Variants in ARHGAP4 observed in about 807,000 individuals in gnomAD.
ARHGAP4 encodes Rho GTPase activating protein 4.
Under a neutral mutation model 67.6 loss-of-function variants are expected in ARHGAP4, and 25 were observed. The observed-to-expected ratio is 0.37, with a 90% CI of 0.27 to 0.52. The LOEUF is 0.52. Ranked by LOEUF, ARHGAP4 falls within the 20% of genes least tolerant of loss-of-function variation. ARHGAP4 has a pLI of 0.92. For missense variants in ARHGAP4, 804 were observed against 854.6 expected, an observed-to-expected ratio of 0.94 and a Z score of 0.74; for synonymous variants, 448 against 373.7, an observed-to-expected ratio of 1.20 and a Z score of -2.29.
At position 153,907,611 on chromosome X, in the gene ARHGAP4, G is replaced by A; in HGVS notation, c.*118C>T. 1 of 369,870 alleles carries A rather than the reference G, an allele frequency of 2.7e-6. No individual in the cohort carries two copies. The highest frequency in any genetic ancestry group is 8.9e-5 in the South Asian group (1 of 11,204). The allele number at this position is 369,870 out of a possible 1,213,427, so 30.5% of individuals were successfully genotyped here. A position where few individuals can be genotyped will look rare whatever the true frequency, so the allele number is the denominator to read the frequency against. The stretch of plus-strand genomic sequence containing the variant: ...CGGCCCCATCCCACCTCTCTGCACA[G>A]GGTGAAGTGCAGGCACCCTGCACTT... On this transcript the variant is annotated 3_prime_UTR_variant, in exon 22 of 22. Coordinates refer to ENST00000350060, the MANE Select transcript of ARHGAP4 (RefSeq NM_001666.5).
Position 153,910,955 on chromosome X carries a change from G to C in ARHGAP4, c.1648C>G (p.Arg550Gly), listed in dbSNP as rs782681117. 1 of 973,696 alleles carries C rather than the reference G, an allele frequency of 1.0e-6. No homozygotes were observed. 80.2% of individuals were successfully genotyped at this position (973,696 alleles called of 1,213,427 possible). A position where few individuals can be genotyped will look rare whatever the true frequency, so the allele number is the denominator to read the frequency against. Reference protein sequence around the residue: ...GIFRVSGAQLRVSEIRDAFER... With the variant: ...GIFRVSGAQLGVSEIRDAFER... ...AAGGCATCACGGATCTCTGAGACCC[G>C]GAGCTGGGCACCCGATACCCGGAAG... Residue 550 changes from arginine (R) to glycine (G), a missense_variant, in exon 14 of 22, where the codon CGG becomes GGG. By Grantham distance (125) the Arg-to-Gly change is moderately radical. Around this residue, in one of 2 missense-constraint regions of ARHGAP4, gnomAD observed 404 missense variants for 505.9 expected, o/e 0.80. Transcript: ENST00000350060.
Position 153,909,733 on chromosome X carries a change from T to A in ARHGAP4, c.2414+8A>T. 2.5e-6 allele frequency: 3 copies of A among 1,182,093 alleles called. No homozygotes were observed. The highest frequency in any genetic ancestry group is 3.4e-6 in the Non-Finnish European group (3 of 880,945). On this transcript the variant is annotated splice_region_variant and intron_variant, in intron 19 of 21. Transcript: ENST00000350060. Reference sequence around the variant, plus strand: ...GAGCCCTGGGGCCTGAGGGCGCGGCTCACTCACCCGGCGGGCAGCGTGATA... The same window carrying A: ...GAGCCCTGGGGCCTGAGGGCGCGGCACACTCACCCGGCGGGCAGCGTGATA...
At chrX:153,916,020 G>A (rs2065053843) in intron 7 of ARHGAP4, among the ~76,000 whole-genome samples, 1 of 111,569 alleles carries the variant, frequency 9.0e-6, no homozygotes, top group Non-Finnish European at 1.9e-5. Context: ...GCTGAACACC[G>A]GAAATGACCC....
At chrX:153,921,856 G>A in intron 1 of ARHGAP4, 47 bp from the exon 2 acceptor site, 1 of 1,136,836 alleles carries the variant, frequency 8.8e-7, no homozygotes, top group Non-Finnish European at 1.2e-6. Flanking sequence ...GCCCTGCCTG[G>A]GTCAGCCAGG....
intron 21 of ARHGAP4, 96 bp downstream of exon 21, chrX:153,908,974 C>T (rs782796657): frequency 8.0e-5 from 75 of 940,690 alleles, no homozygotes; most frequent in Middle Eastern, 5.2e-4. Context: ...GGGAGGGCAA[C>T]GACTGGAACC....
chrX:153,914,071 C>T (rs990503258), intron 7 of ARHGAP4, 192 bp from the exon 8 acceptor site: 30 of 434,023 alleles, frequency 6.9e-5, no homozygotes, highest in South Asian at 1.0e-4. Context: ...CACAGAGGTT[C>T]GTGGCGGCAC....
Position 153,911,125 on chromosome X carries a change from T to C in ARHGAP4, c.1603+4A>G. On this transcript the variant is annotated splice_donor_region_variant and intron_variant, in intron 13 of 21. Transcript: ENST00000350060. ...GACATCGGGAGGGGCTGGGTCCTGC[T>C]TACCATTGAGGTTGATGAAGCGAAT... 1 of 1,169,958 alleles carries C rather than the reference T, an allele frequency of 8.5e-7. No homozygotes were observed. Among genetic ancestry groups the C allele is most frequent in the Non-Finnish European group, 1.1e-6 (1 of 874,038 alleles).
chrX:153,911,915 A>AT (rs782433342), intron 12 of ARHGAP4, among the ~76,000 whole-genome samples: 1,692 of 77,064 alleles, frequency 0.022, 53 homozygotes, highest in African/African-American at 0.12. Context: ...GTCTCAACAA[A>AT]TAAAAAAAAA....
intron 1 of ARHGAP4, among the ~76,000 whole-genome samples, chrX:153,925,679 A>T (rs1004781827): frequency 1.8e-5 from 2 of 112,072 alleles, no homozygotes; most frequent in African/African-American, 6.5e-5. Flanking sequence ...GGGAGGCAAA[A>T]GGTGCTGAAG....
At chrX:153,908,034 G>A in intron 21 of ARHGAP4, 72 bp from the exon 22 acceptor site, 2 of 957,252 alleles carry the variant, frequency 2.1e-6, no homozygotes. Context: ...ACCCACCTGA[G>A]TTCCTCCCAC....
At chrX:153,919,653 T>C (rs1475382737) in intron 5 of ARHGAP4, 2 of 1,164,755 alleles carry the variant, frequency 1.7e-6, no homozygotes, top group African/African-American at 3.6e-5. Flanking sequence ...GGTGCACAGC[T>C]GGAAGCGGCC....
intron 13 of ARHGAP4, 46 bp downstream of exon 13, chrX:153,911,083 T>C: frequency 8.6e-7 from 1 of 1,164,437 alleles, no homozygotes. Context: ...TGCTGGGAAC[T>C]GGGTGCTGGG....
chrX:153,920,707 G>A lies in ARHGAP4; in HGVS notation c.600C>T (p.Val200=). ...RQEEKRAGRS[V]PTTTAGATEA... is the part of the protein sequence containing the mutation. ...CAGTGGCACCAGCGGTGGTGGTGGG[G>A]ACACTCCGGCCTGCCCGCTTCTCCT... Residue 200 remains valine, a synonymous_variant, in exon 5 of 22, where the codon GTC becomes GTT. Transcript: ENST00000350060. 1.7e-6 allele frequency: 2 copies of A among 1,211,708 alleles called. No individual in the cohort carries two copies. Among genetic ancestry groups the A allele is most frequent in the Non-Finnish European group, 1.1e-6 (1 of 895,537 alleles).
At position 153,913,744 on chromosome X, in the gene ARHGAP4, C is replaced by T. The variant is rs1351202527; in HGVS notation, c.1134+34G>A. On this transcript the variant is annotated intron_variant, in intron 8 of 21. Coordinates refer to ENST00000350060, the MANE Select transcript of ARHGAP4 (RefSeq NM_001666.5). Reference sequence around the variant, plus strand: ...GCAGGCTGTACAGGCTCCAGGCCCTCGTCTCCCTCTAACCCCCGGTGGGCT... The same window carrying T: ...GCAGGCTGTACAGGCTCCAGGCCCTTGTCTCCCTCTAACCCCCGGTGGGCT... The T allele has an allele frequency of 2.3e-5, 28 of 1,197,280 alleles. 1 individual carries two copies. The highest frequency in any genetic ancestry group is 8.8e-5 in the African/African-American group (5 of 57,106).
intron 7 of ARHGAP4, among the ~76,000 whole-genome samples, chrX:153,917,513 T>C (rs782029652): frequency 7.2e-4 from 81 of 112,085 alleles, no homozygotes; most frequent in African/African-American, 2.6e-3. Flanking sequence ...CCCAGCACTT[T>C]GGGAGGCCGA....
chrX:153,918,582 A>C (rs2065070736), intron 7 of ARHGAP4, among the ~76,000 whole-genome samples: 1 of 112,823 alleles, frequency 8.9e-6, no homozygotes, highest in South Asian at 3.6e-4. Context: ...AGCCTAGAAC[A>C]ATGTATGGGC....
rs782386436 is a variant in ARHGAP4 at position 153,909,811 on chromosome X, C to T, written c.2344G>A (p.Asp782Asn). ...VLRLHERASS[D>N]WWRGEHNGMR... ...CCGTTGTGCTCCCCCCGCCACCAGT[C>T]GCTCGAGGCCCTCTCGTGCAGCCGC... is the stretch of plus-strand genomic sequence containing the variant. Residue 782 changes from aspartate (D) to asparagine (N), a missense_variant, in exon 19 of 22, where the codon GAC (aspartate) becomes AAC (asparagine). Asp to Asn is a conservative substitution (Grantham distance 23). Coordinates refer to ENST00000350060, the MANE Select transcript of ARHGAP4 (RefSeq NM_001666.5). 4 of 1,202,631 alleles carry T rather than the reference C, an allele frequency of 3.3e-6. No homozygotes were observed. Among genetic ancestry groups the T allele is most frequent in the Non-Finnish European group, 4.5e-6 (4 of 891,662 alleles).
At chrX:153,923,224 A>G (rs1300712966) in intron 1 of ARHGAP4, among the ~76,000 whole-genome samples, 27 of 110,875 alleles carry the variant, frequency 2.4e-4, no homozygotes, top group Middle Eastern at 4.6e-3. Context: ...GTGCTAGTCC[A>G]GGCAAAAGAC....
chrX:153,909,409 C>T (rs781803925), intron 20 of ARHGAP4, 34 bp downstream of exon 20: 295 of 1,040,010 alleles, frequency 2.8e-4, no homozygotes, highest in South Asian at 1.4e-3. Flanking sequence ...GAACAGCACA[C>T]GTGTGGCCCC....
Sources: gnomAD v4.1 joint callset for allele counts (sites outside exome capture counted in the v4.1 genomes callset) on GRCh38, gnomAD v4.1.1 for gene constraint, gnomAD v4.1.1 regional missense constraint, MANE v1.5 for transcripts, NCBI Gene and HGNC (gene_info 2026-07-23, HGNC 2026-07-21) for gene names.